Variants in UBAC2 observed in about 807,000 individuals in gnomAD.
UBAC2 encodes ubiquitin-associated domain-containing protein 2.
Under a neutral mutation model 44.0 loss-of-function variants are expected in UBAC2, and 26 were observed. That is an observed-to-expected ratio of 0.59 (90% CI 0.43 to 0.82). The LOEUF (loss-of-function observed/expected upper bound fraction) is 0.82. UBAC2 is among the 40% of genes least tolerant of loss of function. The pLI is 0.00. For missense variants in UBAC2, 329 were observed against 419.4 expected (o/e 0.78, Z 1.88); for synonymous variants, 155 against 154.3 (o/e 1.00, Z -0.04).
intron 4 of UBAC2, among the ~76,000 whole-genome samples, chr13:99,259,717 A>G (rs2043628983): frequency 6.6e-6 from 1 of 152,236 alleles, no homozygotes; most frequent in Non-Finnish European, 1.5e-5. Flanking sequence ...CTGGACAGAA[A>G]TCTGCCTGCA....
At chr13:99,298,234 A>G (rs946794717) in intron 4 of UBAC2, among the ~76,000 whole-genome samples, 2 of 152,188 alleles carry the variant, frequency 1.3e-5, no homozygotes, top group East Asian at 1.9e-4. Flanking sequence ...ACATGAGCAT[A>G]TATGCAAATT....
intron 7 of UBAC2, among the ~76,000 whole-genome samples, chr13:99,348,439 C>G (rs936034093): frequency 6.6e-6 from 1 of 152,094 alleles, no homozygotes. Context: ...GTTTCAGTCA[C>G]GGGGGGCCTT....
At chr13:99,322,946 A>G (rs968976141) in intron 6 of UBAC2, among the ~76,000 whole-genome samples, 1 of 152,178 alleles carries the variant, frequency 6.6e-6, no homozygotes, top group Non-Finnish European at 1.5e-5. Context: ...AAAGACAAAC[A>G]AAAAAACCCA....
intron 4 of UBAC2, chr13:99,255,834 A>G (rs756410859): frequency 1.2e-6 from 2 of 1,602,348 alleles, no homozygotes; most frequent in East Asian, 2.2e-5. Context: ...GTGAGCTGTT[A>G]AAAGGGACAG....
intron 8 of UBAC2, among the ~76,000 whole-genome samples, chr13:99,374,898 T>A (rs2045460071): frequency 6.6e-6 from 1 of 152,176 alleles, no homozygotes; most frequent in Admixed American, 6.5e-5. Flanking sequence ...GGAGAAGGGT[T>A]GAACACGAAG....
At chr13:99,292,781 A>G (rs1052853224) in intron 4 of UBAC2, among the ~76,000 whole-genome samples, 1 of 150,524 alleles carries the variant, frequency 6.6e-6, no homozygotes, top group Non-Finnish European at 1.5e-5. Context: ...TAGTTTTTCT[A>G]GCTCCCAATT....
intron 4 of UBAC2, among the ~76,000 whole-genome samples, chr13:99,245,790 G>A (rs186183847): frequency 1.7e-3 from 252 of 152,188 alleles, no homozygotes; most frequent in Middle Eastern, 3.4e-3. Context: ...AGCGGAGATC[G>A]CTCCACTGCA....
rs373364683 is a variant in UBAC2 at position 99,200,863 on chromosome 13, C to T, written c.-46C>T. The T allele has an allele frequency of 3.1e-6, 4 of 1,280,424 alleles. No individual in the cohort carries two copies. Among genetic ancestry groups the T allele is most frequent in the African/African-American group, 3.1e-5 (2 of 65,218 alleles). 79.3% of individuals were successfully genotyped at this position (1,280,424 alleles called of 1,614,324 possible). Reference sequence around the variant, plus strand: ...GCGGTCGCTGGGGCTCGCACTTCAGCTTCCCCTCCCCCGGCGCCCTCTGGG... The same window carrying T: ...GCGGTCGCTGGGGCTCGCACTTCAGTTTCCCCTCCCCCGGCGCCCTCTGGG... On this transcript the variant is annotated 5_prime_UTR_variant, in exon 1 of 9. Coordinates refer to ENST00000403766, the MANE Select transcript of UBAC2 (RefSeq NM_001144072.2).
intron 4 of UBAC2, among the ~76,000 whole-genome samples, chr13:99,302,156 C>T (rs1042029166): frequency 7.9e-5 from 12 of 152,096 alleles, no homozygotes; most frequent in African/African-American, 2.9e-4. Flanking sequence ...CAAAAACAGC[C>T]AGGGGAGCCA....
intron 4 of UBAC2, among the ~76,000 whole-genome samples, chr13:99,272,643 G>A (rs2043830611): frequency 6.6e-6 from 1 of 152,122 alleles, no homozygotes; most frequent in Non-Finnish European, 1.5e-5. Context: ...CTCTTGCTGT[G>A]TCCTTACATG....
intron 2 of UBAC2, 96 bp from the exon 3 acceptor site, chr13:99,243,736 T>C (rs2043348417): frequency 4.5e-6 from 5 of 1,115,216 alleles, no homozygotes; most frequent in Non-Finnish European, 6.4e-6. Flanking sequence ...GTTTAGGACA[T>C]TAAAAATAGG....
chr13:99,259,134 A>G (rs1264550141), intron 4 of UBAC2, among the ~76,000 whole-genome samples: 2 of 152,228 alleles, frequency 1.3e-5, no homozygotes, highest in East Asian at 1.9e-4. Flanking sequence ...TGAAACCAGC[A>G]GAAAGGGAAG....
rs141910184 is a variant in UBAC2 at position 99,221,274 on chromosome 13, C to G, written c.32-17153C>G. On this transcript the variant is annotated intron_variant, in intron 1 of 8. Transcript: ENST00000403766. ...TCTTGGATCTGTGTTGCAACCTCCA[C>G]AAACTGCAGTCTTTTTATATTTCGT... 1.3e-3 allele frequency among the ~76,000 whole-genome samples: 203 copies of G among 152,320 alleles called. 1 individual carries two copies. The highest frequency in any genetic ancestry group is 4.8e-3 in the African/African-American group (198 of 41,566).
At chr13:99,378,391 G>T (rs961925614) in intron 8 of UBAC2, among the ~76,000 whole-genome samples, 3 of 152,124 alleles carry the variant, frequency 2.0e-5, no homozygotes, top group Admixed American at 2.0e-4. Flanking sequence ...GCCAGGCATG[G>T]TGGCACATGC....
intron 4 of UBAC2, among the ~76,000 whole-genome samples, chr13:99,258,978 A>G (rs1045658067): frequency 8.5e-5 from 13 of 152,174 alleles, no homozygotes; most frequent in African/African-American, 3.1e-4. Flanking sequence ...AGTTTGCTGT[A>G]TTTTGTAAGT....
At position 99,385,390 on chromosome 13, in the gene UBAC2, C is replaced by T; in HGVS notation, c.*55C>T. The T allele has an allele frequency of 7.0e-7, 1 of 1,431,844 alleles. No homozygotes were observed. The allele number at this position is 1,431,844 out of a possible 1,614,324, so 88.7% of individuals were successfully genotyped here. A position where few individuals can be genotyped will look rare whatever the true frequency, so the allele number is the denominator to read the frequency against. On this transcript the variant is annotated 3_prime_UTR_variant, in exon 9 of 9. Coordinates refer to ENST00000403766, the MANE Select transcript of UBAC2 (RefSeq NM_001144072.2). ...GGCAGCCGAGTGACAGTGCGTGGTCCCCACCATCAGATCAGCCCGGGGACC... is the reference window on the plus strand; with the variant it reads ...GGCAGCCGAGTGACAGTGCGTGGTCTCCACCATCAGATCAGCCCGGGGACC...
intron 5 of UBAC2, among the ~76,000 whole-genome samples, chr13:99,317,299 C>G (rs1183453613): frequency 1.3e-5 from 2 of 152,194 alleles, no homozygotes; most frequent in Non-Finnish European, 2.9e-5. Context: ...AATTAACCAA[C>G]AATAACCCAC....
chr13:99,305,070 G>A (rs1235369039), intron 4 of UBAC2, among the ~76,000 whole-genome samples: 2 of 152,134 alleles, frequency 1.3e-5, no homozygotes, highest in East Asian at 1.9e-4. Flanking sequence ...TGGATTTAGA[G>A]TACTGTTTTA....
intron 4 of UBAC2, chr13:99,296,005 C>T (rs2044165762): frequency 6.2e-7 from 1 of 1,613,908 alleles, no homozygotes; most frequent in Non-Finnish European, 8.5e-7. Flanking sequence ...GTAAGTTTCC[C>T]ACGAGCCCAA....
Sources: allele counts gnomAD v4.1 joint callset (sites outside exome capture counted in the v4.1 genomes callset), GRCh38; gene constraint gnomAD v4.1.1; transcripts MANE v1.5; gene names NCBI Gene and HGNC (gene_info 2026-07-23, HGNC 2026-07-21).